ACSM1: variants seen among roughly 807,000 people sequenced by gnomAD.
ACSM1 encodes acyl-CoA synthetase medium chain family member 1.
A neutral mutation model predicts 75.8 loss-of-function variants in ACSM1; 79 were observed. The observed-to-expected ratio is 1.04, with a 90% CI of 0.87 to 1.26. ACSM1 has a LOEUF of 1.26. ACSM1 is among the 50% of genes most tolerant of loss of function. The pLI is 0.00. For synonymous variants in ACSM1, 279 were observed against 265.8 expected, an observed-to-expected ratio of 1.05 and a Z score of -0.48; for missense variants, 676 against 720.1, an observed-to-expected ratio of 0.94 and a Z score of 0.70.
Position 20,686,405 on chromosome 16 carries a change from T to C in ACSM1, c.193-1002A>G, listed in dbSNP as rs1258386457. 3.9e-5 allele frequency among the ~76,000 whole-genome samples: 6 copies of C among 151,956 alleles called. 1 individual carries two copies. The highest frequency in any genetic ancestry group is 8.8e-5 in the Non-Finnish European group (6 of 68,010). ...AAAACCAAACAAATGCCCCCAGTCA[T>C]GAAAAAGCCATACTCAATTCCCACT... On this transcript the variant is annotated intron_variant, in intron 2 of 13. Transcript: ENST00000520010.
intron 8 of ACSM1, 98 bp from the exon 9 acceptor site, chr16:20,637,549 G>T: frequency 9.3e-7 from 1 of 1,075,888 alleles, no homozygotes; most frequent in Non-Finnish European, 1.4e-6. Flanking sequence ...CAGAGATGTA[G>T]TATTCCTCTC....
intron 7 of ACSM1, among the ~76,000 whole-genome samples, chr16:20,646,206 A>G (rs771855770): frequency 2.0e-5 from 3 of 152,190 alleles, no homozygotes; most frequent in Non-Finnish European, 4.4e-5. Context: ...TGGGCAAATC[A>G]AATGCCTAAT....
intron 8 of ACSM1, among the ~76,000 whole-genome samples, chr16:20,639,634 T>C (rs1161572892): frequency 1.3e-5 from 2 of 152,226 alleles, no homozygotes; most frequent in South Asian, 2.1e-4. Context: ...TGACGAGTTG[T>C]ACATTTTCTT....
chr16:20,654,204 G>A lies in ACSM1; in HGVS notation c.992+7590C>T, dbSNP rs1454583073. 2.0e-5 allele frequency among the ~76,000 whole-genome samples: 3 copies of A among 152,220 alleles called. No homozygotes were observed. The East Asian group carries it at 5.8e-4, about 29-fold the overall frequency. The stretch of plus-strand genomic sequence containing the variant: ...CTCTGGGATAACTGGCTAGCCATAT[G>A]TAGAAAGCTGAAACTGGATCCCTTC... On this transcript the variant is annotated intron_variant, in intron 7 of 13. Transcript: ENST00000520010.
rs368774746 is a variant in ACSM1, at chr16:20,637,410, C to T, written c.1158G>A (p.Pro386=). 3.8e-5 allele frequency: 61 copies of T among 1,614,078 alleles called. 1 individual carries two copies. Among genetic ancestry groups the T allele is most frequent in the African/African-American group, 2.3e-4 (17 of 75,024 alleles). ...CATYWGMKIK[P]GFMGKATPPY... Reference sequence around the variant, plus strand: ...GTGGAGTGGCCTTCCCCATGAAACCCGGCTTGATCTTCATTCCCCAGTAGG... The same window carrying T: ...GTGGAGTGGCCTTCCCCATGAAACCTGGCTTGATCTTCATTCCCCAGTAGG... Residue 386 remains proline (P), a synonymous_variant, in exon 9 of 14, where the codon CCG becomes CCA. Transcript: ENST00000520010.
intron 7 of ACSM1, among the ~76,000 whole-genome samples, chr16:20,659,456 G>T (rs2019178854): frequency 6.6e-6 from 1 of 152,058 alleles, no homozygotes; most frequent in Non-Finnish European, 1.5e-5. Context: ...AAGGTGCCTG[G>T]GGAGTCATAC....
intron 8 of ACSM1, 102 bp from the exon 9 acceptor site, chr16:20,637,553 T>C: frequency 9.7e-7 from 1 of 1,034,134 alleles, no homozygotes; most frequent in African/African-American, 1.6e-5. Flanking sequence ...GATGTAGTAT[T>C]CCTCTCAATG....
At chr16:20,668,196 G>A (rs1030775419) in intron 6 of ACSM1, among the ~76,000 whole-genome samples, 1 of 152,128 alleles carries the variant, frequency 6.6e-6, no homozygotes, top group Admixed American at 6.6e-5. Context: ...TCTTCAATAA[G>A]ATGGACTAAT....
chr16:20,657,621 T>G (rs1294216883), intron 7 of ACSM1, among the ~76,000 whole-genome samples: 1 of 150,908 alleles, frequency 6.6e-6, no homozygotes, highest in Non-Finnish European at 1.5e-5. Flanking sequence ...TTTTTTTTTA[T>G]TATACCTTAA....
intron 5 of ACSM1, among the ~76,000 whole-genome samples, chr16:20,670,732 G>A (rs2019849747): frequency 6.6e-6 from 1 of 151,990 alleles, no homozygotes; most frequent in Admixed American, 6.6e-5. Context: ...TTATATCTTT[G>A]TGTCTTTGCA....
At chr16:20,643,266 G>C (rs1422468853) in intron 7 of ACSM1, among the ~76,000 whole-genome samples, 1 of 152,212 alleles carries the variant, frequency 6.6e-6, no homozygotes, top group Non-Finnish European at 1.5e-5. Context: ...CAGGTGCCTG[G>C]TATTTAGCCC....
In ACSM1 at chr16:20,625,466, G is replaced by A. The variant is rs372480857; in HGVS notation, c.1484C>T (p.Ala495Val). The A allele has an allele frequency of 4.3e-5, 70 of 1,613,940 alleles. No homozygotes were observed. The highest frequency in any genetic ancestry group is 1.8e-4 in the South Asian group (16 of 91,074). Residue 495 changes from alanine (A) to valine (V), a missense_variant, in exon 12 of 14, where the codon GCG becomes GTG. Ala to Val is a moderately conservative substitution (Grantham distance 64). Coordinates refer to ENST00000520010, the MANE Select transcript of ACSM1 (RefSeq NM_001318890.3). Reference sequence around the variant, plus strand: ...TGGGCTGCCCACCACGGCTGACTCCGCCACCGCTGGGTGCTCCACCAAAGC... The same window carrying A: ...TGGGCTGCCCACCACGGCTGACTCCACCACCGCTGGGTGCTCCACCAAAGC... The part of the protein sequence containing the change: ...ESALVEHPAV[A>V]ESAVVGSPDP...
At chr16:20,659,246 C>T (rs1310121963) in intron 7 of ACSM1, among the ~76,000 whole-genome samples, 1 of 152,124 alleles carries the variant, frequency 6.6e-6, no homozygotes, top group Non-Finnish European at 1.5e-5. Context: ...AATCAGAGGA[C>T]TCTAGGAACA....
chr16:20,682,969 C>T (rs1023898653), intron 3 of ACSM1, among the ~76,000 whole-genome samples: 10 of 152,080 alleles, frequency 6.6e-5, no homozygotes, highest in Admixed American at 3.9e-4. Flanking sequence ...ATCTCCATTG[C>T]CAACAGTGAG....
intron 3 of ACSM1, among the ~76,000 whole-genome samples, chr16:20,684,974 G>A (rs1214070140): frequency 6.6e-6 from 1 of 152,176 alleles, no homozygotes; most frequent in East Asian, 1.9e-4. Flanking sequence ...AGACTGTGAA[G>A]AAGAAAGGAG....
chr16:20,691,197 A>G lies in ACSM1; in HGVS notation c.-9T>C. ...CTCATTAGCCACTGCATGGTGAAAC[A>G]GTCCTCAGAAACCAGGCACAGAGTT... On this transcript the variant is annotated 5_prime_UTR_variant, in exon 2 of 14. Coordinates refer to ENST00000520010, the MANE Select transcript of ACSM1 (RefSeq NM_001318890.3). The G allele has an allele frequency of 6.4e-7, 1 of 1,556,974 alleles. No homozygotes were observed. Among genetic ancestry groups the G allele is most frequent in the South Asian group, 1.2e-5 (1 of 82,126 alleles).
chr16:20,627,347 G>A, intron 10 of ACSM1, 31 bp from the exon 11 acceptor site: 2 of 1,546,508 alleles, frequency 1.3e-6, no homozygotes, highest in Non-Finnish European at 1.7e-6. Context: ...CTTTGTTGAA[G>A]GCAGTGAATT....
intron 7 of ACSM1, among the ~76,000 whole-genome samples, chr16:20,652,076 A>G (rs1433729750): frequency 6.6e-6 from 1 of 152,156 alleles, no homozygotes; most frequent in Non-Finnish European, 1.5e-5. Context: ...AACTAACCAT[A>G]AGTTTTATTA....
At chr16:20,695,109 G>GATTCTA (rs149811970) in intron 1 of ACSM1, among the ~76,000 whole-genome samples, 3,063 of 152,258 alleles carry the variant, frequency 0.02, 111 homozygotes, top group African/African-American at 0.069. Flanking sequence ...ATGTGTTTGT[G>GATTCTA]ATTCTAATTT....
Sources: allele counts gnomAD v4.1 joint callset (sites outside exome capture counted in the v4.1 genomes callset), GRCh38; gene constraint gnomAD v4.1.1; transcripts MANE v1.5; gene names NCBI Gene and HGNC (gene_info 2026-07-23, HGNC 2026-07-21).